The following EPS15L1 variants were observed in gnomAD, a reference collection of about 807,000 sequenced individuals.
The protein encoded by EPS15L1 is epidermal growth factor receptor pathway substrate 15 like 1.
In EPS15L1, 43 loss-of-function variants were observed where a neutral mutation model predicts 117.1. The observed-to-expected ratio is 0.37, with a 90% CI of 0.29 to 0.47. The LOEUF (loss-of-function observed/expected upper bound fraction) is 0.47. Among genes scored for constraint, EPS15L1 ranks in the 20% least tolerant of loss-of-function variants. EPS15L1 has a pLI of 0.99. For missense variants in EPS15L1, 981 were observed against 1,164.0 expected (o/e 0.84, Z 2.29); for synonymous variants, 459 against 470.5 (o/e 0.98, Z 0.32).
chr19:16,435,310 C>T (rs1599645440), intron 6 of EPS15L1: 1 of 152,152 alleles, frequency 6.6e-6, no homozygotes, highest in African/African-American at 2.4e-5. Context: ...ATAGGAATAG[C>T]TCTTCATGAA....
At chr19:16,419,553 C>A (rs1323093059) in intron 10 of EPS15L1, among the ~76,000 whole-genome samples, 1 of 152,220 alleles carries the variant, frequency 6.6e-6, no homozygotes, top group Non-Finnish European at 1.5e-5. Flanking sequence ...AAATGTCTTC[C>A]TTCACCCATG....
At chr19:16,402,889 AACATATCTTTGCTCCTG>A (rs1233677894) in intron 15 of EPS15L1, among the ~76,000 whole-genome samples, 1 of 152,192 alleles carries the variant, frequency 6.6e-6, no homozygotes, top group Non-Finnish European at 1.5e-5. Flanking sequence ...TGCGCAAAGC[AACATATCTTTGCTCCTG>A]ACACCCAACT....
At position 16,417,955 on chromosome 19, in the gene EPS15L1, G is replaced by T; in HGVS notation, c.1100C>A (p.Pro367His). ...DMVPPSERGT[P>H]GPDSSGSLGS... ...ATGACCAGCACCACTCACCGGGCCG[G>T]GCGTGCCTCTCTCCGAAGGCGGGAC... The change falls in exon 11 of 24, where the codon CCC (proline) becomes CAC (histidine). Residue 367 changes from proline to histidine, a missense_variant. Physicochemically the swap from Pro to His is moderately conservative, Grantham distance 77 (BLOSUM62 -2). This residue lies in a region of EPS15L1 where 819 missense variants were observed against 949.0 expected (regional missense o/e 0.86). Coordinates refer to ENST00000455140, the MANE Select transcript of EPS15L1 (RefSeq NM_001258374.3). 1.2e-6 allele frequency: 2 copies of T among 1,613,310 alleles called. No homozygotes were observed. Among genetic ancestry groups the T allele is most frequent in the Non-Finnish European group, 8.5e-7 (1 of 1,179,712 alleles).
In EPS15L1 at chr19:16,405,518, C is replaced by T. The variant is rs1191398338; in HGVS notation, c.1267-769G>A. 1.3e-5 allele frequency among the ~76,000 whole-genome samples: 2 copies of T among 152,212 alleles called. No homozygotes were observed. Among genetic ancestry groups the T allele is most frequent in the East Asian group, 1.9e-4 (1 of 5,198 alleles). On this transcript the variant is annotated intron_variant, in intron 13 of 23. Transcript: ENST00000455140. The surrounding 1 kb of genome is among the most constrained non-coding windows in gnomAD (Gnocchi z 4.0). Reference sequence around the variant, plus strand: ...CCAAGAAAAGCATCCTGGAAGCATACAGCGTGTGCAGAGGTATACAACGTC... The same window carrying T: ...CCAAGAAAAGCATCCTGGAAGCATATAGCGTGTGCAGAGGTATACAACGTC...
chr19:16,399,255 G>A (rs963221802), intron 16 of EPS15L1, among the ~76,000 whole-genome samples: 2 of 152,174 alleles, frequency 1.3e-5, no homozygotes, highest in African/African-American at 2.4e-5. Context: ...CACAGAATCA[G>A]AGTGGGAAAC....
At chr19:16,374,012 C>T (rs979415785) in intron 22 of EPS15L1, among the ~76,000 whole-genome samples, 1 of 152,250 alleles carries the variant, frequency 6.6e-6, no homozygotes, top group African/African-American at 2.4e-5. Flanking sequence ...CACAGATCTG[C>T]AGTTGCTCCG....
intron 1 of EPS15L1, among the ~76,000 whole-genome samples, chr19:16,461,838 G>C (rs1449168284): frequency 1.3e-5 from 2 of 152,188 alleles, no homozygotes; most frequent in Non-Finnish European, 2.9e-5. Flanking sequence ...CCCTGTGCCT[G>C]TTTCTTCACC....
rs142666761 is a variant in EPS15L1 at position 16,397,960 on chromosome 19, C to T, written c.1792-2493G>A. Among the ~76,000 whole-genome samples the T allele has an allele frequency of 1.8e-4, 28 of 152,280 alleles. No homozygotes were observed. The East Asian group carries it at 5.2e-3, about 28-fold the overall frequency. On this transcript the variant is annotated intron_variant, in intron 16 of 23. Coordinates refer to ENST00000455140, the MANE Select transcript of EPS15L1 (RefSeq NM_001258374.3). Reference sequence around the variant, plus strand: ...TTTGGCAGACACACTGGCATTCCTGCGTAGGACTCACAAACCAGTCCAGTA... The same window carrying T: ...TTTGGCAGACACACTGGCATTCCTGTGTAGGACTCACAAACCAGTCCAGTA...
intron 16 of EPS15L1, chr19:16,400,989 G>A (rs1170138292): frequency 1.0e-6 from 1 of 985,334 alleles, no homozygotes. Context: ...GGGAAAGTAG[G>A]AGCCGGGTTG....
At chr19:16,457,796 ATC>A (rs1304453746) in intron 1 of EPS15L1, among the ~76,000 whole-genome samples, 1 of 151,824 alleles carries the variant, frequency 6.6e-6, no homozygotes, top group Non-Finnish European at 1.5e-5. Flanking sequence ...ATTCAGTTCC[ATC>A]TGTTTCCTTC....
At chr19:16,432,541 C>T (rs1024669079) in intron 7 of EPS15L1, among the ~76,000 whole-genome samples, 11 of 151,996 alleles carry the variant, frequency 7.2e-5, no homozygotes, top group Admixed American at 1.3e-4. Flanking sequence ...GTACTCCAGC[C>T]TGGGCAACAG....
At chr19:16,367,320 C>T (rs2092147117) in intron 22 of EPS15L1, among the ~76,000 whole-genome samples, 1 of 151,500 alleles carries the variant, frequency 6.6e-6, no homozygotes, top group Non-Finnish European at 1.5e-5. Flanking sequence ...CTGCCTACCG[C>T]AGGGAGACTT....
rs977135796 is a variant in EPS15L1 at position 16,425,026 on chromosome 19, C to T, written c.792+57G>A. 6 of 1,433,554 alleles carry T rather than the reference C, an allele frequency of 4.2e-6. No individual in the cohort carries two copies. The African/African-American group carries it at 8.4e-5, about 20-fold the overall frequency. 88.8% of individuals were successfully genotyped at this position (1,433,554 alleles called of 1,614,324 possible). The stretch of plus-strand genomic sequence containing the variant: ...TTCTGGGGTTGCATGTTAAGAACTC[C>T]CGAGAAACATCCTACTGTGCTCTGA... On this transcript the variant is annotated intron_variant, in intron 9 of 23. Coordinates refer to ENST00000455140, the MANE Select transcript of EPS15L1 (RefSeq NM_001258374.3).
intron 9 of EPS15L1, 30 bp downstream of exon 9, chr19:16,425,053 A>T (rs2092855807): frequency 6.5e-7 from 1 of 1,549,426 alleles, no homozygotes; most frequent in Non-Finnish European, 8.9e-7. Context: ...GTGCTCTGAG[A>T]GGGGGCTGTG....
intron 22 of EPS15L1, among the ~76,000 whole-genome samples, chr19:16,367,590 C>T (rs1370774211): frequency 6.7e-6 from 1 of 148,776 alleles, no homozygotes; most frequent in Non-Finnish European, 1.5e-5. Context: ...AGCTTCTTCT[C>T]GAGGCTGCGC....
At chr19:16,400,616 G>T in intron 16 of EPS15L1, 3 of 983,356 alleles carry the variant, frequency 3.1e-6, no homozygotes, top group Non-Finnish European at 3.6e-6. Context: ...TTAAGAAATA[G>T]AAACAAGCCA....
chr19:16,434,253 C>G (rs1198306934), intron 7 of EPS15L1, 112 bp downstream of exon 7: 2 of 1,412,334 alleles, frequency 1.4e-6, no homozygotes, highest in Admixed American at 4.5e-5. Flanking sequence ...CCTGATGGCA[C>G]AGGGAGAAAA....
chr19:16,429,764 C>T (rs905725962), intron 7 of EPS15L1, among the ~76,000 whole-genome samples: 1 of 152,204 alleles, frequency 6.6e-6, no homozygotes, highest in Non-Finnish European at 1.5e-5. Context: ...CCAGCCTCCA[C>T]AGACTCCACG....
intron 15 of EPS15L1, 93 bp from the exon 16 acceptor site, chr19:16,402,578 G>GTGT: frequency 1.6e-6 from 2 of 1,237,640 alleles, no homozygotes; most frequent in Non-Finnish European, 2.2e-6. Context: ...GTCTCACTCT[G>GTGT]TCACCCAGAC....
Sources: allele counts gnomAD v4.1 joint callset (sites outside exome capture counted in the v4.1 genomes callset), GRCh38; gene constraint gnomAD v4.1.1; regional missense constraint gnomAD v4.1.1; non-coding constraint Gnocchi (gnomAD v3.1); transcripts MANE v1.5; gene names NCBI Gene and HGNC (gene_info 2026-07-23, HGNC 2026-07-21).